Variants in GPRIN2 observed in about 807,000 individuals in gnomAD.
GPRIN2 encodes G protein-regulated inducer of neurite outgrowth 2.
A neutral mutation model predicts 0.3 loss-of-function variants in GPRIN2; 1 was observed. The ratio of observed to expected loss-of-function variants is 3.90; its 90% confidence interval spans 1.39 to 18.51. The LOEUF is 18.51. GPRIN2 is among the 30% of genes most tolerant of loss of function. GPRIN2 has a pLI of 0.11. For missense variants in GPRIN2, 880 were observed against 604.2 expected (o/e 1.46, Z -4.79); for synonymous variants, 361 against 258.6 (o/e 1.40, Z -3.80).
At position 46,549,882 on chromosome 10, in the gene GPRIN2, C is replaced by G; in HGVS notation, c.855G>C (p.Gly285=). 6.2e-7 allele frequency: 1 copy of G among 1,614,060 alleles called. No individual in the cohort carries two copies. The change falls in exon 3 of 3, where the codon GGG becomes GGC. Residue 285 remains glycine (G), a synonymous_variant. Transcript: ENST00000374314. The part of the protein sequence containing the change: ...GVKIHCRLSG[G]LPGHSHCCAH... The stretch of plus-strand genomic sequence containing the variant: ...CACAGCAATGGGAATGCCCAGGGAG[C>G]CCCCCAGACAACCTACAGTGGATCT...
chr10:46,556,120 A>T (rs1294758212), intron 1 of GPRIN2, among the ~76,000 whole-genome samples: 1 of 152,302 alleles, frequency 6.6e-6, no homozygotes, highest in Non-Finnish European at 1.5e-5. Context: ...GATGCGGGAC[A>T]GGAGAAGCCA....
rs1832267855 is a variant in GPRIN2, at chr10:46,550,714, G to A, written c.23C>T (p.Pro8Leu). Residue 8 changes from proline (P) to leucine (L), a missense_variant, in exon 3 of 3, where the codon CCG (proline) becomes CTG (leucine). Physicochemically the swap from Pro to Leu is moderately conservative, Grantham distance 98 (BLOSUM62 -3). Transcript: ENST00000374314. ...GGGGCTCAGGGGTGCCCAGGGACCCGGCTCGGGGCGGCTGGAGCTCATGGC... is the reference window on the plus strand; with the variant it reads ...GGGGCTCAGGGGTGCCCAGGGACCCAGCTCGGGGCGGCTGGAGCTCATGGC... MSSSRPEPGPWAPLSPRL... is the reference protein window; with the variant it reads MSSSRPELGPWAPLSPRL... 1.7e-5 allele frequency: 25 copies of A among 1,509,146 alleles called. No individual in the cohort carries two copies. The highest frequency in any genetic ancestry group is 9.3e-5 in the East Asian group (4 of 43,158). 93.5% of individuals were successfully genotyped at this position (1,509,146 alleles called of 1,614,324 possible). A position where few individuals can be genotyped will look rare whatever the true frequency, so the allele number is the denominator to read the frequency against.
rs1832317477 is a variant in GPRIN2 at position 46,550,578 on chromosome 10, G to A, written c.159C>T (p.Gly53=). The A allele has an allele frequency of 1.6e-5, 26 of 1,583,488 alleles. No homozygotes were observed. Among genetic ancestry groups the A allele is most frequent in the Admixed American group, 5.4e-5 (3 of 56,006 alleles). Residue 53 remains glycine (G), a synonymous_variant, in exon 3 of 3, where the codon GGC becomes GGT. Coordinates refer to ENST00000374314, the MANE Select transcript of GPRIN2 (RefSeq NM_001385282.1). ...ASSTVWQAQL[G]EASTRPQAPE... ...GGGCCTGGGGTCTGGTGCTGGCCTCGCCCAGCTGGGCCTGCCACACGGTGC... is the reference window on the plus strand; with the variant it reads ...GGGCCTGGGGTCTGGTGCTGGCCTCACCCAGCTGGGCCTGCCACACGGTGC...
chr10:46,549,821 G>C lies in GPRIN2; in HGVS notation c.916C>G (p.Pro306Ala). ...CACACATCTTTGGTCCTAGAGCCAG[G>C]CTCTGGGACTAACCCAGCGGGACCC... is the stretch of plus-strand genomic sequence containing the variant. ...LWGPAGLVPE[P>A]GSRTKDVWTM... Residue 306 changes from proline to alanine, a missense_variant, in exon 3 of 3, where the codon CCT (proline) becomes GCT (alanine). Pro to Ala is a conservative substitution (Grantham distance 27, BLOSUM62 -1). Transcript: ENST00000374314. 2 of 1,614,218 alleles carry C rather than the reference G, an allele frequency of 1.2e-6. No individual in the cohort carries two copies. The highest frequency in any genetic ancestry group is 2.2e-5 in the East Asian group (1 of 44,896).
At chr10:46,553,876 GA>G (rs1832022307) in intron 2 of GPRIN2, among the ~76,000 whole-genome samples, 1 of 152,306 alleles carries the variant, frequency 6.6e-6, no homozygotes, top group Non-Finnish European at 1.5e-5. Context: ...GCTCTGAGGG[GA>G]GTACTGGGGG....
chr10:46,551,161 C>T (rs1832211065), intron 2 of GPRIN2, among the ~76,000 whole-genome samples: 5 of 152,420 alleles, frequency 3.3e-5, no homozygotes, highest in South Asian at 2.1e-4. Context: ...TCAACCAGCA[C>T]GGAAGCACTA....
At position 46,542,831 on chromosome 10, in the gene GPRIN2, C is replaced by T. The variant is rs1833052410; in HGVS notation, c.*6529G>A. 4.7e-4 allele frequency among the ~76,000 whole-genome samples: 72 copies of T among 152,382 alleles called. No homozygotes were observed. Among genetic ancestry groups the T allele is most frequent in the African/African-American group, 1.6e-3 (68 of 41,562 alleles). ...CAGGGGCTCAGGCCACACCCCAACCCAATTACAAGCCATGCAAGAAGATTC... is the reference window on the plus strand; with the variant it reads ...CAGGGGCTCAGGCCACACCCCAACCTAATTACAAGCCATGCAAGAAGATTC... On this transcript the variant is annotated 3_prime_UTR_variant, in exon 3 of 3. Transcript: ENST00000374314.
rs1832304001 is a variant in GPRIN2, at chr10:46,550,618, C to A, written c.119G>T (p.Arg40Leu). ...CCACACGGTGCTGCTGGCAGTCTTG[C>A]GGAGCTCTGGCCTCTGTTCCCGGCC... ...GEGREQRPEL[R>L]KTASSTVWQA... Residue 40 changes from arginine to leucine, a missense_variant, in exon 3 of 3, where the codon CGC (arginine) becomes CTC (leucine). By Grantham distance (102) the Arg-to-Leu change is moderately radical. Coordinates refer to ENST00000374314, the MANE Select transcript of GPRIN2 (RefSeq NM_001385282.1). The A allele has an allele frequency of 6.3e-7, 1 of 1,583,306 alleles. No homozygotes were observed. Among genetic ancestry groups the A allele is most frequent in the East Asian group, 2.2e-5 (1 of 44,512 alleles).
chr10:46,549,947 A>T lies in GPRIN2; in HGVS notation c.790T>A (p.Ser264Thr), dbSNP rs1832540831. The T allele has an allele frequency of 4.3e-6, 7 of 1,614,160 alleles. No homozygotes were observed. The highest frequency in any genetic ancestry group is 5.9e-6 in the Non-Finnish European group (7 of 1,180,062). The change falls in exon 3 of 3, where the codon TCA becomes ACA. Residue 264 changes from serine (S) to threonine (T), a missense_variant. By Grantham distance (58) the Ser-to-Thr change is moderately conservative. Coordinates refer to ENST00000374314, the MANE Select transcript of GPRIN2 (RefSeq NM_001385282.1). ...GILAFPKLVA[S>T]VSESGLQAQH... ...GCCTGCAGCCCAGACTCGCTCACTGACGCCACTAGTTTGGGAAAGGCCAGG... is the reference window on the plus strand; with the variant it reads ...GCCTGCAGCCCAGACTCGCTCACTGTCGCCACTAGTTTGGGAAAGGCCAGG...
chr10:46,556,024 T>G (rs1457498325), intron 1 of GPRIN2, among the ~76,000 whole-genome samples: 1 of 152,290 alleles, frequency 6.6e-6, no homozygotes, highest in Non-Finnish European at 1.5e-5. Context: ...AGAAGGGGGC[T>G]CAATACGGGC....
Position 46,556,622 on chromosome 10 carries a change from C to A in GPRIN2, c.-242G>T, listed in dbSNP as rs1008856433. Among the ~76,000 whole-genome samples, 2 of 151,924 alleles carry A rather than the reference C, an allele frequency of 1.3e-5. No homozygotes were observed. The highest frequency in any genetic ancestry group is 1.3e-4 in the Admixed American group (2 of 15,236). ...GGCCTGGGCGCGAGACGCCGCCCGC[C>A]GCCGTCGGCCCGGCCCGCGGAGCAA... On this transcript the variant is annotated 5_prime_UTR_variant, in exon 1 of 3. Transcript: ENST00000374314.
At chr10:46,556,409 G>GC (rs1843232837) in intron 1 of GPRIN2, among the ~76,000 whole-genome samples, 89 bp downstream of exon 1, 1 of 152,298 alleles carries the variant, frequency 6.6e-6, no homozygotes, top group South Asian at 2.1e-4. Flanking sequence ...CAGGCAGCGG[G>GC]AAGGAGTGGG....
Position 46,549,980 on chromosome 10 carries a change from T to TG in GPRIN2, c.756dup (p.Thr253HisfsTer29), listed in dbSNP as rs1832529672. On this transcript the variant is annotated frameshift_variant, in exon 3 of 3. Coordinates refer to ENST00000374314, the MANE Select transcript of GPRIN2 (RefSeq NM_001385282.1). LOFTEE classifies it low-confidence loss of function (END_TRUNC). ...AGTTTGGGAAAGGCCAGGATCCCTG[T>TG]GGCAGGTAGGGCATGGCAGCAGCCA... The TG allele has an allele frequency of 3.6e-5, 58 of 1,613,878 alleles. No individual in the cohort carries two copies. Among genetic ancestry groups the TG allele is most frequent in the Non-Finnish European group, 4.8e-5 (57 of 1,179,876 alleles).
chr10:46,557,220 C>T (rs1467831801), upstream of GPRIN2, among the ~76,000 whole-genome samples: 1 of 152,302 alleles, frequency 6.6e-6, no homozygotes, highest in Non-Finnish European at 1.5e-5. Context: ...CTCCACTAGC[C>T]TCGGACTTTC....
rs1020401642 is a variant in GPRIN2, at chr10:46,544,725, C to G, written c.*4635G>C. Among the ~76,000 whole-genome samples the G allele has an allele frequency of 5.9e-5, 9 of 152,304 alleles. No individual in the cohort carries two copies. Among genetic ancestry groups the G allele is most frequent in the South Asian group, 2.1e-4 (1 of 4,838 alleles). ...GAAAGGGAAGTGGCCACCACAGAAC[C>G]AGTTCTGCTGAGAACGAGGACTCGA... On this transcript the variant is annotated 3_prime_UTR_variant, in exon 3 of 3. Coordinates refer to ENST00000374314, the MANE Select transcript of GPRIN2 (RefSeq NM_001385282.1).
At chr10:46,555,031 C>T (rs1843018938) in intron 1 of GPRIN2, among the ~76,000 whole-genome samples, 1 of 152,306 alleles carries the variant, frequency 6.6e-6, no homozygotes, top group Non-Finnish European at 1.5e-5. Flanking sequence ...ACTGCAACCT[C>T]TGCCTCCTGG....
At chr10:46,550,867 T>C in intron 2 of GPRIN2, 125 bp from the exon 3 acceptor site, 1 of 1,090,932 alleles carries the variant, frequency 9.2e-7, no homozygotes, top group Non-Finnish European at 1.3e-6. Flanking sequence ...CCTGCCTGAC[T>C]GGTCAGAACC....
In GPRIN2 at chr10:46,547,849, G is replaced by T. The variant is rs1271984224; in HGVS notation, c.*1511C>A. ...AAAGGCATGTTTACGGGTGAGAATGGTCCATCGTTGGGCTTCAGGAGGCAT... is the reference window on the plus strand; with the variant it reads ...AAAGGCATGTTTACGGGTGAGAATGTTCCATCGTTGGGCTTCAGGAGGCAT... On this transcript the variant is annotated 3_prime_UTR_variant, in exon 3 of 3. Transcript: ENST00000374314. Among the ~76,000 whole-genome samples the T allele has an allele frequency of 6.6e-6, 1 of 152,306 alleles. No individual in the cohort carries two copies. The highest frequency in any genetic ancestry group is 1.5e-5 in the Non-Finnish European group (1 of 68,058).
In GPRIN2 at chr10:46,542,812, C is replaced by T. The variant is rs1841859598; in HGVS notation, c.*6548G>A. Among the ~76,000 whole-genome samples, 1 of 152,306 alleles carries T rather than the reference C, an allele frequency of 6.6e-6. No individual in the cohort carries two copies. Among genetic ancestry groups the T allele is most frequent in the East Asian group, 1.9e-4 (1 of 5,208 alleles). ...ACAGTGCAGTGTGTCCCCACAGGGG[C>T]TCAGGCCACACCCCAACCCAATTAC... is the stretch of plus-strand genomic sequence containing the variant. On this transcript the variant is annotated 3_prime_UTR_variant, in exon 3 of 3. Transcript: ENST00000374314.
Sources: gnomAD v4.1 joint callset for allele counts (sites outside exome capture counted in the v4.1 genomes callset) on GRCh38, gnomAD v4.1.1 for gene constraint, MANE v1.5 for transcripts, NCBI Gene and HGNC (gene_info 2026-07-23, HGNC 2026-07-21) for gene names.